Variants in NHSL2 observed in about 807,000 individuals in gnomAD.
NHSL2 encodes NHS-like protein 2.
In NHSL2, 27 loss-of-function variants were observed where a neutral mutation model predicts 53.4. That is an observed-to-expected ratio of 0.51 (90% CI 0.37 to 0.70). The LOEUF is 0.70. Ranked by LOEUF, NHSL2 falls within the 30% of genes least tolerant of loss-of-function variation. The probability of loss-of-function intolerance (pLI) is 0.00; values close to 1 mark genes in which losing one functional copy is unlikely to be tolerated. For missense variants in NHSL2, 892 were observed against 980.1 expected (o/e 0.91, Z 1.20); for synonymous variants, 408 against 404.1 (o/e 1.01, Z -0.12).
At chrX:72,096,073 G>A (rs940062300) in intron 1 of NHSL2, among the ~76,000 whole-genome samples, 1 of 108,972 alleles carries the variant, frequency 9.2e-6, no homozygotes, top group Non-Finnish European at 1.9e-5. Context: ...CTCCTCATCC[G>A]AGGTCCAAGC....
At chrX:71,980,193 T>C (rs1267432873) in intron 1 of NHSL2, among the ~76,000 whole-genome samples, 9 of 111,654 alleles carry the variant, frequency 8.1e-5, no homozygotes, top group African/African-American at 2.6e-4. Context: ...AGTCAGGTAG[T>C]GTGATGCCTC....
chrX:72,093,960 T>G (rs2041923668), intron 1 of NHSL2, among the ~76,000 whole-genome samples: 1 of 110,150 alleles, frequency 9.1e-6, no homozygotes, highest in Non-Finnish European at 1.9e-5. Context: ...TTTTGTATTT[T>G]TAGTAGAGAC....
chrX:71,989,528 T>A (rs2042018297), intron 1 of NHSL2, among the ~76,000 whole-genome samples: 1 of 111,541 alleles, frequency 9.0e-6, no homozygotes, highest in Non-Finnish European at 1.9e-5. Context: ...ACCATGCATC[T>A]GGTAGGGGGT....
chrX:72,137,942 C>T (rs1389845364), intron 5 of NHSL2, among the ~76,000 whole-genome samples: 1 of 111,610 alleles, frequency 9.0e-6, no homozygotes, highest in East Asian at 2.8e-4. Context: ...GTAGATTATC[C>T]TCAGCCTCTT....
At chrX:71,981,793 A>T (rs979887630) in intron 1 of NHSL2, among the ~76,000 whole-genome samples, 1 of 111,920 alleles carries the variant, frequency 8.9e-6, no homozygotes, top group Non-Finnish European at 1.9e-5. Context: ...CACCCAATAG[A>T]TTTGTTGTAA....
chrX:71,926,708 CAT>C (rs948983520), intron 1 of NHSL2, among the ~76,000 whole-genome samples: 1 of 111,352 alleles, frequency 9.0e-6, no homozygotes, highest in East Asian at 2.8e-4. Context: ...TGTGTCCAGA[CAT>C]GTGTACTTTT....
At chrX:72,087,139 A>T (rs1317203522) in intron 1 of NHSL2, among the ~76,000 whole-genome samples, 1 of 112,579 alleles carries the variant, frequency 8.9e-6, no homozygotes, top group African/African-American at 3.2e-5. Context: ...GAGAAATAAA[A>T]TTTGGGATAT....
At chrX:71,973,965 G>A (rs2041937338) in intron 1 of NHSL2, among the ~76,000 whole-genome samples, 1 of 111,894 alleles carries the variant, frequency 8.9e-6, no homozygotes, top group Non-Finnish European at 1.9e-5. Flanking sequence ...CTGTAACATG[G>A]AGCTGGTGAG....
intron 1 of NHSL2, among the ~76,000 whole-genome samples, chrX:71,980,123 C>G (rs1318987379): frequency 9.0e-6 from 1 of 111,512 alleles, no homozygotes; most frequent in Non-Finnish European, 1.9e-5. Flanking sequence ...TGGTCTATAT[C>G]TCTGTTTTGG....
chrX:72,129,906 T>C, intron 1 of NHSL2: 2 of 1,210,495 alleles, frequency 1.7e-6, no homozygotes, highest in East Asian at 5.9e-5. Context: ...CAGGGGGGCG[T>C]CTTCGAACTT....
At chrX:72,065,976 A>G (rs974216457) in intron 1 of NHSL2, among the ~76,000 whole-genome samples, 1 of 112,200 alleles carries the variant, frequency 8.9e-6, no homozygotes, top group Non-Finnish European at 1.9e-5. Context: ...GAGAGTGTGG[A>G]CTTGACACTT....
At chrX:72,027,884 G>C (rs2042193786) in intron 1 of NHSL2, among the ~76,000 whole-genome samples, 1 of 110,913 alleles carries the variant, frequency 9.0e-6, no homozygotes, top group Admixed American at 9.6e-5. Flanking sequence ...TCAGAAGGAG[G>C]CTTGGTCCAT....
chrX:71,961,484 A>G (rs981263890), intron 1 of NHSL2, among the ~76,000 whole-genome samples: 1 of 76,460 alleles, frequency 1.3e-5, no homozygotes, highest in Non-Finnish European at 2.5e-5. Flanking sequence ...CTTGTTTTTC[A>G]TTTATTTTAT....
intron 1 of NHSL2, among the ~76,000 whole-genome samples, chrX:72,003,446 C>T (rs1451114329): frequency 9.0e-6 from 1 of 111,656 alleles, no homozygotes; most frequent in Non-Finnish European, 1.9e-5. Flanking sequence ...TGTCCACAGC[C>T]CTGCTTAGGG....
intron 1 of NHSL2, among the ~76,000 whole-genome samples, chrX:71,974,987 A>G (rs1287821804): frequency 1.8e-5 from 2 of 112,102 alleles, no homozygotes; most frequent in Admixed American, 9.4e-5. Context: ...GAGAAGATTC[A>G]GCCATGGCAG....
At chrX:72,068,591 G>A (rs2042445274) in intron 1 of NHSL2, among the ~76,000 whole-genome samples, 1 of 112,435 alleles carries the variant, frequency 8.9e-6, no homozygotes, top group African/African-American at 3.2e-5. Flanking sequence ...CCACCTGCCC[G>A]GTGTCGCTTA....
intron 1 of NHSL2, among the ~76,000 whole-genome samples, chrX:71,945,909 A>G (rs1012494489): frequency 3.6e-5 from 4 of 112,162 alleles, no homozygotes; most frequent in African/African-American, 6.5e-5. Flanking sequence ...CTTTGGGGAA[A>G]CAGGCTCAGA....
intron 1 of NHSL2, among the ~76,000 whole-genome samples, chrX:71,997,832 G>A (rs975881161): frequency 8.9e-6 from 1 of 112,038 alleles, no homozygotes; most frequent in Non-Finnish European, 1.9e-5. Flanking sequence ...CCTGGCACCT[G>A]GCAGGTACTC....
Position 72,138,525 on chromosome X carries a change from A to G in NHSL2, c.977A>G (p.His326Arg), listed in dbSNP as rs1378393125. ...AGTCACTCAGTTCCAGAAGGGGTTC[A>G]TGGAAGAGTTGCAGTTGGTCAGGAT... ...RPSHSVPEGV[H>R]GRVAVGQDAR... is the part of the protein sequence containing the mutation. Residue 326 changes from histidine (H) to arginine (R), a missense_variant, in exon 6 of 8, where the codon CAT (histidine) becomes CGT (arginine). Physicochemically the swap from His to Arg is conservative, Grantham distance 29. Coordinates refer to ENST00000633930, the MANE Select transcript of NHSL2 (RefSeq NM_001013627.3). 4.3e-6 allele frequency: 5 copies of G among 1,163,545 alleles called. No homozygotes were observed. The highest frequency in any genetic ancestry group is 5.7e-6 in the Non-Finnish European group (5 of 870,379).
Sources: allele counts gnomAD v4.1 joint callset (sites outside exome capture counted in the v4.1 genomes callset), GRCh38; gene constraint gnomAD v4.1.1; transcripts MANE v1.5; gene names NCBI Gene and HGNC (gene_info 2026-07-23, HGNC 2026-07-21).